Variants in IQGAP1 observed in about 807,000 individuals in gnomAD.
IQGAP1 encodes ras GTPase-activating-like protein IQGAP1.
In IQGAP1, 66 loss-of-function variants were observed where a neutral mutation model predicts 215.6. That is an observed-to-expected ratio of 0.31 (90% confidence interval 0.25 to 0.38). The LOEUF (loss-of-function observed/expected upper bound fraction) is 0.38, where lower values mean the gene tolerates loss of function less well. Ranked by LOEUF, IQGAP1 falls within the 10% of genes least tolerant of loss-of-function variation. IQGAP1 has a pLI of 1.00. For synonymous variants in IQGAP1, 772 were observed against 728.7 expected (o/e 1.06, Z -0.96); for missense variants, 1,712 against 1,997.1 (o/e 0.86, Z 2.72).
At chr15:90,426,683 G>A (rs1299431896) in intron 3 of IQGAP1, among the ~76,000 whole-genome samples, 2 of 152,074 alleles carry the variant, frequency 1.3e-5, no homozygotes, top group East Asian at 1.9e-4. Context: ...GGCCGGGCGC[G>A]GTGGCTCACG....
At chr15:90,449,245 C>A (rs146710480) in intron 10 of IQGAP1, among the ~76,000 whole-genome samples, 1 of 151,980 alleles carries the variant, frequency 6.6e-6, no homozygotes, top group East Asian at 1.9e-4. Context: ...TTACAAATAT[C>A]CAGCGTACGT....
At chr15:90,475,036 G>A (rs564748019) in intron 23 of IQGAP1, among the ~76,000 whole-genome samples, 16 of 121,322 alleles carry the variant, frequency 1.3e-4, no homozygotes, top group African/African-American at 3.9e-4. Flanking sequence ...TTTCCCTCTC[G>A]TCGCTCAGGC....
At chr15:90,422,100 C>T (rs983598670) in intron 2 of IQGAP1, among the ~76,000 whole-genome samples, 5 of 152,094 alleles carry the variant, frequency 3.3e-5, no homozygotes, top group Non-Finnish European at 7.4e-5. Flanking sequence ...CTTGGTATTT[C>T]TGCGATTTTT....
chr15:90,399,344 G>A (rs1165584657), intron 2 of IQGAP1, among the ~76,000 whole-genome samples: 1 of 151,990 alleles, frequency 6.6e-6, no homozygotes, highest in African/African-American at 2.4e-5. Context: ...TTTGATTGCT[G>A]GAGAGTTTAA....
chr15:90,407,589 A>T (rs891969960), intron 2 of IQGAP1, among the ~76,000 whole-genome samples: 1 of 152,224 alleles, frequency 6.6e-6, no homozygotes, highest in Non-Finnish European at 1.5e-5. Context: ...AGACTGTGTA[A>T]CAGTTTAATG....
Position 90,473,939 on chromosome 15 carries a change from G to A in IQGAP1, c.2477G>A (p.Arg826Gln), listed in dbSNP as rs750370291. 1.4e-5 allele frequency: 23 copies of A among 1,613,958 alleles called. No individual in the cohort carries two copies. Among genetic ancestry groups the A allele is most frequent in the Middle Eastern group, 1.6e-4 (1 of 6,062 alleles). Residue 826 changes from arginine to glutamine, a missense_variant, in exon 21 of 38, where the codon CGA (arginine) becomes CAA (glutamine). By Grantham distance (43) the Arg-to-Gln change is conservative. This residue lies in a region of IQGAP1 where 1,021 missense variants were observed against 1,074.2 expected (regional missense o/e 0.95). Coordinates refer to ENST00000268182, the MANE Select transcript of IQGAP1 (RefSeq NM_003870.4). ...ARMHQARKRY[R>Q]DRLQYFRDHI... The stretch of plus-strand genomic sequence containing the variant: ...ATGCACCAAGCTCGAAAGCGCTATC[G>A]AGATCGCCTGCAGTACTTCCGGGAC...
At position 90,429,574 on chromosome 15, in the gene IQGAP1, C is replaced by CT. The variant is rs3216331; in HGVS notation, c.313-5dup. ...AATACAGCCAATAATACCTAATTTT[C>CT]TTTTTTTTTTCTAGGCGACTGGCCT... On this transcript the variant is annotated splice_polypyrimidine_tract_variant and intron_variant, in intron 3 of 37. Transcript: ENST00000268182. 0.016 allele frequency: 20,978 copies of CT among 1,287,310 alleles called. No individual in the cohort carries two copies. Among genetic ancestry groups the CT allele is most frequent in the South Asian group, 0.025 (1,703 of 67,156 alleles). 79.7% of individuals were successfully genotyped at this position (1,287,310 alleles called of 1,614,324 possible). A position where few individuals can be genotyped will look rare whatever the true frequency, so the allele number is the denominator to read the frequency against.
intron 19 of IQGAP1, chr15:90,473,217 G>C: frequency 1.8e-6 from 1 of 548,686 alleles, no homozygotes; most frequent in East Asian, 3.1e-5. Context: ...GCAGTTCTTG[G>C]GTACCTCTTC....
chr15:90,427,114 T>A (rs1248430601), intron 3 of IQGAP1, among the ~76,000 whole-genome samples: 1 of 151,176 alleles, frequency 6.6e-6, no homozygotes, highest in Non-Finnish European at 1.5e-5. Flanking sequence ...AAAAAAAAAA[T>A]TAGCCAGACA....
intron 15 of IQGAP1, among the ~76,000 whole-genome samples, chr15:90,457,661 C>T (rs1965704896): frequency 1.4e-5 from 2 of 146,374 alleles, no homozygotes; most frequent in African/African-American, 2.6e-5. Context: ...AGTTTGGTCT[C>T]GAACTCCTGA....
chr15:90,424,786 CTGAGATTGTACCAT>C (rs1411698937), intron 2 of IQGAP1, among the ~76,000 whole-genome samples: 1 of 151,548 alleles, frequency 6.6e-6, no homozygotes, highest in Non-Finnish European at 1.5e-5. Context: ...TTGTAGTGAG[CTGAGATTGTACCAT>C]TGCACTCCAG....
At chr15:90,419,271 A>G (rs550175020) in intron 2 of IQGAP1, among the ~76,000 whole-genome samples, 3 of 152,352 alleles carry the variant, frequency 2.0e-5, no homozygotes, top group South Asian at 2.1e-4. Context: ...AATAATTACA[A>G]TAATACTTCA....
chr15:90,444,339 A>G (rs916720153), intron 9 of IQGAP1, among the ~76,000 whole-genome samples: 3 of 146,148 alleles, frequency 2.1e-5, no homozygotes, highest in African/African-American at 7.6e-5. Flanking sequence ...TTTAGGCTGC[A>G]GTTGCGATTA....
intron 21 of IQGAP1, 45 bp downstream of exon 21, chr15:90,474,012 A>C (rs186914882): frequency 1.2e-6 from 2 of 1,608,262 alleles, no homozygotes; most frequent in East Asian, 2.2e-5. Context: ...CAATTTTGCC[A>C]TATTTTTGGT....
rs369663914 is a variant in IQGAP1 at position 90,409,046 on chromosome 15, A to G, written c.156-17064A>G. Among the ~76,000 whole-genome samples, 3 of 152,140 alleles carry G rather than the reference A, an allele frequency of 2.0e-5. No homozygotes were observed. The East Asian group carries it at 5.8e-4, about 29-fold the overall frequency. On this transcript the variant is annotated intron_variant, in intron 2 of 37. Coordinates refer to ENST00000268182, the MANE Select transcript of IQGAP1 (RefSeq NM_003870.4). ...ACCTTCTATGTGTGATCTAGATCCT[A>G]TCCCTTCTTGTCTTCTAGGGTTCTT...
At chr15:90,426,370 G>T (rs1965222879) in intron 3 of IQGAP1, 104 bp downstream of exon 3, 6 of 1,284,904 alleles carry the variant, frequency 4.7e-6, no homozygotes, top group African/African-American at 3.1e-5. Flanking sequence ...AGGTGTGTTT[G>T]TTGCAACAAA....
intron 16 of IQGAP1, 36 bp from the exon 17 acceptor site, chr15:90,466,233 C>T (rs373815225): frequency 1.2e-6 from 2 of 1,609,060 alleles, no homozygotes; most frequent in Non-Finnish European, 8.5e-7. Flanking sequence ...TAGACACTCT[C>T]TAAACTATTC....
At chr15:90,491,614 G>A in intron 34 of IQGAP1, 69 bp downstream of exon 34, 1 of 1,262,312 alleles carries the variant, frequency 7.9e-7, no homozygotes, top group Non-Finnish European at 1.1e-6. Flanking sequence ...GACAGTAGCT[G>A]TTCACATAAC....
At chr15:90,439,742 A>G (rs746345252) in intron 6 of IQGAP1, among the ~76,000 whole-genome samples, 8 of 152,188 alleles carry the variant, frequency 5.3e-5, no homozygotes, top group Non-Finnish European at 1.2e-4. Flanking sequence ...TTCCCTTTCC[A>G]TTCCAGCAAG....
Sources: allele counts gnomAD v4.1 joint callset (sites outside exome capture counted in the v4.1 genomes callset), GRCh38; gene constraint gnomAD v4.1.1; regional missense constraint gnomAD v4.1.1; transcripts MANE v1.5; gene names NCBI Gene and HGNC (gene_info 2026-07-23, HGNC 2026-07-21).